The following TMEM44 variants were observed in gnomAD, a reference collection of about 807,000 sequenced individuals.
TMEM44 encodes transmembrane protein 44.
Under a neutral mutation model 47.8 loss-of-function variants are expected in TMEM44, and 43 were observed. That is an observed-to-expected ratio of 0.90 (90% CI 0.70 to 1.16). TMEM44 has a LOEUF of 1.16. Among genes scored for constraint, TMEM44 ranks in the 50% most tolerant of loss-of-function variants. The probability of loss-of-function intolerance (pLI) is 0.00; values close to 1 mark genes in which losing one functional copy is unlikely to be tolerated. For synonymous variants in TMEM44, 277 were observed against 238.8 expected (o/e 1.16, Z -1.48); for missense variants, 568 against 555.2 (o/e 1.02, Z -0.23).
intron 9 of TMEM44, chr3:194,593,084 A>G (rs763236920): frequency 6.2e-7 from 1 of 1,613,014 alleles, no homozygotes; most frequent in Admixed American, 1.7e-5. Context: ...CTGCAGAATA[A>G]AAAGAGAGAC....
chr3:194,613,323 G>T (rs1339278629), intron 7 of TMEM44, among the ~76,000 whole-genome samples: 1 of 150,820 alleles, frequency 6.6e-6, no homozygotes, highest in Non-Finnish European at 1.5e-5. Context: ...GATTACAGGT[G>T]CCCGCCACCA....
chr3:194,615,639 T>C lies in TMEM44; in HGVS notation c.842A>G (p.Lys281Arg), dbSNP rs992214380. The change falls in exon 7 of 10, where the codon AAG becomes AGG. Residue 281 changes from lysine (K) to arginine (R), a missense_variant. Transcript: ENST00000347147. ...SKMRQALGFA[K>R]EARESPDTQA... Reference sequence around the variant, plus strand: ...GGTGTCAGGGCTCTCTCTGGCTTCCTTGGCAAATCCTAAGGCCTGTCTCAT... The same window carrying C: ...GGTGTCAGGGCTCTCTCTGGCTTCCCTGGCAAATCCTAAGGCCTGTCTCAT... 9.3e-6 allele frequency: 15 copies of C among 1,614,062 alleles called. No homozygotes were observed. Among genetic ancestry groups the C allele is most frequent in the African/African-American group, 2.7e-5 (2 of 74,928 alleles).
At chr3:194,617,590 C>T (rs2108591866) in intron 5 of TMEM44, 2 of 694,534 alleles carry the variant, frequency 2.9e-6, no homozygotes, top group African/African-American at 1.7e-5. Context: ...TGACTCAGCT[C>T]TTTACACAGT....
In TMEM44 at chr3:194,633,280, C is replaced by T. The variant is rs1718032805; in HGVS notation, c.-65G>A. 6 of 847,190 alleles carry T rather than the reference C, an allele frequency of 7.1e-6. No homozygotes were observed. The highest frequency in any genetic ancestry group is 8.7e-6 in the Non-Finnish European group (6 of 690,508). 52.5% of individuals were successfully genotyped at this position (847,190 alleles called of 1,614,324 possible). A position where few individuals can be genotyped will look rare whatever the true frequency, so the allele number is the denominator to read the frequency against. On this transcript the variant is annotated 5_prime_UTR_variant, in exon 1 of 10. Coordinates refer to ENST00000347147, the MANE Select transcript of TMEM44 (RefSeq NM_001011655.3). Reference sequence around the variant, plus strand: ...CGCAGCCTCCCTCGCCGCGGGCAAGCCCCGAGCGCCGCCGCCCCGCGTGCC... The same window carrying T: ...CGCAGCCTCCCTCGCCGCGGGCAAGTCCCGAGCGCCGCCGCCCCGCGTGCC...
At position 194,623,602 on chromosome 3, in the gene TMEM44, A is replaced by G; in HGVS notation, c.452T>C (p.Leu151Pro). The change falls in exon 4 of 10, where the codon CTG becomes CCG. Residue 151 changes from leucine (L) to proline (P), a missense_variant. Coordinates refer to ENST00000347147, the MANE Select transcript of TMEM44 (RefSeq NM_001011655.3). ...TGAAGCCTTCGGGACAGCAACCCAC[A>G]GAGCCCAGCACGGGCCCAGGCTCAG... ...LPLSLGPCWALWVAVPKASAT... is the reference protein window; with the variant it reads ...LPLSLGPCWAPWVAVPKASAT... 1 of 1,612,264 alleles carries G rather than the reference A, an allele frequency of 6.2e-7. No individual in the cohort carries two copies. The highest frequency in any genetic ancestry group is 8.5e-7 in the Non-Finnish European group (1 of 1,179,680).
Position 194,599,354 on chromosome 3 carries a change from G to A in TMEM44, c.1176+4933C>T, listed in dbSNP as rs537745147. ...TGCATGAGTGATCCAACAGCCAGGC[G>A]AAGTGTGGTGACACTTCACCTGCTC... is the stretch of plus-strand genomic sequence containing the variant. On this transcript the variant is annotated intron_variant, in intron 9 of 9. Coordinates refer to ENST00000347147, the MANE Select transcript of TMEM44 (RefSeq NM_001011655.3). Among the ~76,000 whole-genome samples the A allele has an allele frequency of 2.5e-3, 377 of 152,224 alleles. 2 individuals carry two copies. Among genetic ancestry groups the A allele is most frequent in the South Asian group, 0.021 (100 of 4,816 alleles).
In TMEM44 at chr3:194,623,703, A is replaced by G; in HGVS notation, c.359-8T>C. The G allele has an allele frequency of 6.2e-7, 1 of 1,613,962 alleles. No homozygotes were observed. Among genetic ancestry groups the G allele is most frequent in the South Asian group, 1.1e-5 (1 of 91,042 alleles). On this transcript the variant is annotated splice_polypyrimidine_tract_variant and splice_region_variant and intron_variant, in intron 3 of 9. Transcript: ENST00000347147. ...TCTCTCGGGCTTCCCGATCTGCAACAGACACCAAAATCCCACATGGCTCCT... is the reference window on the plus strand; with the variant it reads ...TCTCTCGGGCTTCCCGATCTGCAACGGACACCAAAATCCCACATGGCTCCT...
At chr3:194,628,575 A>T in intron 1 of TMEM44, 66 bp from the exon 2 acceptor site, 1 of 1,518,628 alleles carries the variant, frequency 6.6e-7, no homozygotes, top group Non-Finnish European at 8.9e-7. Flanking sequence ...CATGTATCTA[A>T]AAAGGGCAAC....
At chr3:194,593,560 C>G (rs1713016935) in intron 9 of TMEM44, among the ~76,000 whole-genome samples, 2 of 152,126 alleles carry the variant, frequency 1.3e-5, no homozygotes, top group South Asian at 4.1e-4. Context: ...CTCCAAACCT[C>G]AAATATGTCT....
rs1303255901 is a variant in TMEM44 at position 194,588,281 on chromosome 3, A to T, written c.*248T>A. ...CCTTTGGATTATCTTTACGAAGCAA[A>T]AGCTTCTGTGAACTGTGATCTTCAG... On this transcript the variant is annotated 3_prime_UTR_variant, in exon 10 of 10. Transcript: ENST00000347147. The T allele has an allele frequency of 1.1e-5, 5 of 471,320 alleles. No individual in the cohort carries two copies. The highest frequency in any genetic ancestry group is 8.1e-5 in the African/African-American group (4 of 49,112). The allele number at this position is 471,320 out of a possible 1,614,324, so 29.2% of individuals were successfully genotyped here.
chr3:194,631,983 C>T (rs541443107), intron 1 of TMEM44, among the ~76,000 whole-genome samples: 2 of 152,312 alleles, frequency 1.3e-5, no homozygotes, highest in East Asian at 3.9e-4. Flanking sequence ...GCGTGTCCAG[C>T]GCCTTGTTAG....
intron 8 of TMEM44, among the ~76,000 whole-genome samples, chr3:194,610,244 C>T (rs972463904): frequency 2.0e-5 from 3 of 151,706 alleles, no homozygotes; most frequent in Non-Finnish European, 2.9e-5. Context: ...AGATGATAGA[C>T]TCCGTGTCTA....
chr3:194,599,579 T>TTCTTC (rs1713825213), intron 9 of TMEM44, among the ~76,000 whole-genome samples: 1 of 124,932 alleles, frequency 8.0e-6, no homozygotes, highest in Admixed American at 8.2e-5. Context: ...CATTTTCTTT[T>TTCTTC]TCTTTTCTTT....
At chr3:194,621,419 G>A (rs376050433) in intron 5 of TMEM44, among the ~76,000 whole-genome samples, 2 of 152,258 alleles carry the variant, frequency 1.3e-5, no homozygotes, top group East Asian at 1.9e-4. Context: ...TACTACCGGC[G>A]GTCAGGGCAC....
chr3:194,616,863 C>A (rs979323582), intron 6 of TMEM44: 36 of 554,206 alleles, frequency 6.5e-5, no homozygotes, highest in Non-Finnish European at 9.5e-5. Context: ...CCACTGCACT[C>A]CAGCCTGGGC....
At chr3:194,628,564 G>T in intron 1 of TMEM44, 55 bp from the exon 2 acceptor site, 1 of 1,533,628 alleles carries the variant, frequency 6.5e-7, no homozygotes, top group East Asian at 2.4e-5. Flanking sequence ...GGACCCAAAC[G>T]CATGTATCTA....
chr3:194,628,175 G>T (rs748334), intron 2 of TMEM44, among the ~76,000 whole-genome samples: 8 of 152,160 alleles, frequency 5.3e-5, no homozygotes, highest in Non-Finnish European at 1.2e-4. Flanking sequence ...GAGCAAAGAC[G>T]TGAAGGACTA....
intron 9 of TMEM44, among the ~76,000 whole-genome samples, chr3:194,594,930 C>T (rs1055963313): frequency 2.0e-5 from 3 of 152,020 alleles, no homozygotes; most frequent in African/African-American, 2.4e-5. Context: ...CTTTATAAAC[C>T]GCTAATGATA....
At chr3:194,604,682 T>A (rs930804660) in intron 8 of TMEM44, among the ~76,000 whole-genome samples, 2 of 152,166 alleles carry the variant, frequency 1.3e-5, no homozygotes, top group African/African-American at 4.8e-5. Context: ...TACACATATT[T>A]CCCCCGATTT....
Sources: allele counts gnomAD v4.1 joint callset (sites outside exome capture counted in the v4.1 genomes callset), GRCh38; gene constraint gnomAD v4.1.1; transcripts MANE v1.5; gene names NCBI Gene and HGNC (gene_info 2026-07-23, HGNC 2026-07-21).